Variants in YTHDC2 observed in about 807,000 individuals in gnomAD.
YTHDC2 encodes the protein 3'-5' RNA helicase YTHDC2.
YTHDC2 carries 45 observed loss-of-function variants against 174.9 expected under a neutral mutation model. The observed-to-expected ratio is 0.26, with a 90% CI of 0.20 to 0.33. The LOEUF is 0.33. Ranked by LOEUF, YTHDC2 falls within the 10% of genes least tolerant of loss-of-function variation. The pLI is 1.00. For missense variants in YTHDC2, 1,650 were observed against 1,723.7 expected, an observed-to-expected ratio of 0.96 and a Z score of 0.76; for synonymous variants, 657 against 574.5, an observed-to-expected ratio of 1.14 and a Z score of -2.05.
Position 113,541,013 on chromosome 5 carries a change from A to C in YTHDC2, c.1256A>C (p.Glu419Ala), listed in dbSNP as rs746835127. 6.2e-6 allele frequency: 10 copies of C among 1,613,994 alleles called. No individual in the cohort carries two copies. The highest frequency in any genetic ancestry group is 7.6e-6 in the Non-Finnish European group (9 of 1,180,000). ...TTLTEWYSAQ[E>A]NSFKPESQRQ... ...CTTACAGAATGGTACTCAGCTCAAG[A>C]AAATAGTTTCAAGCCTGAATCTCAG... The change falls in exon 9 of 30, where the codon GAA becomes GCA. Residue 419 changes from glutamate (E) to alanine (A), a missense_variant. This residue lies in a region of YTHDC2 where 411 missense variants were observed against 380.6 expected (regional missense o/e 1.08). Coordinates refer to ENST00000161863, the MANE Select transcript of YTHDC2 (RefSeq NM_022828.5).
chr5:113,587,785 G>T (rs1232639175), intron 26 of YTHDC2, among the ~76,000 whole-genome samples: 1 of 151,216 alleles, frequency 6.6e-6, no homozygotes, highest in Non-Finnish European at 1.5e-5. Context: ...CAGCTTATCA[G>T]TTTCTGCAGA....
chr5:113,594,876 C>T lies in YTHDC2; in HGVS notation c.*1402C>T, dbSNP rs2112837852. ...GAACCTTCTACTTTCTCTGGGAAAG[C>T]ATTATATAGTGGTGCATTAGTTTAG... On this transcript the variant is annotated 3_prime_UTR_variant, in exon 30 of 30. Transcript: ENST00000161863. 1 of 152,262 alleles carries T rather than the reference C, an allele frequency of 6.6e-6. No homozygotes were observed. Among genetic ancestry groups the T allele is most frequent in the African/African-American group, 2.4e-5 (1 of 41,564 alleles). 9.4% of individuals were successfully genotyped at this position (152,262 alleles called of 1,614,324 possible). A position where few individuals can be genotyped will look rare whatever the true frequency, so the allele number is the denominator to read the frequency against.
rs185145526 is a variant in YTHDC2, at chr5:113,575,522, A to G, written c.3245-4064A>G. Reference sequence around the variant, plus strand: ...CTACAATATGAGAAGAGCCAGCCACATGAAAAGCAGAAATGTGCTGCAGGT... The same window carrying G: ...CTACAATATGAGAAGAGCCAGCCACGTGAAAAGCAGAAATGTGCTGCAGGT... On this transcript the variant is annotated intron_variant, in intron 23 of 29. Transcript: ENST00000161863. Among the ~76,000 whole-genome samples the G allele has an allele frequency of 1.4e-3, 214 of 152,354 alleles. 1 individual carries two copies. The highest frequency in any genetic ancestry group is 3.4e-3 in the Middle Eastern group (1 of 294).
chr5:113,545,564 G>A (rs575463631), intron 10 of YTHDC2, among the ~76,000 whole-genome samples: 15 of 151,758 alleles, frequency 9.9e-5, no homozygotes, highest in Admixed American at 2.0e-4. Context: ...CATCTCTTCT[G>A]CAAAACCTGT....
At position 113,593,316 on chromosome 5, in the gene YTHDC2, T is replaced by A. The variant is rs1132528; in HGVS notation, c.4226T>A (p.Leu1409Gln). 0.53 allele frequency: 857,238 copies of A among 1,610,502 alleles called. 237,298 individuals carry two copies. Among genetic ancestry groups the A allele is most frequent in the African/African-American group, 0.91 (68,125 of 74,942 alleles). ...ISRDGQELEP[L>Q]VGEQLLQLWE... ...TGATTTATCTAGGAACTAGAACCTC[T>A]GGTTGGTGAACAGTTGCTCCAGTTA... Residue 1409 changes from leucine to glutamine, a missense_variant, in exon 29 of 30, where the codon CTG (leucine) becomes CAG (glutamine). Coordinates refer to ENST00000161863, the MANE Select transcript of YTHDC2 (RefSeq NM_022828.5).
chr5:113,517,679 C>A, intron 2 of YTHDC2: 1 of 420,114 alleles, frequency 2.4e-6, no homozygotes, highest in Non-Finnish European at 4.8e-6. Context: ...TACGAAATAC[C>A]CTAGCTCCTT....
intron 2 of YTHDC2, among the ~76,000 whole-genome samples, chr5:113,520,946 T>C (rs1773822892): frequency 6.6e-6 from 1 of 151,752 alleles, no homozygotes; most frequent in South Asian, 2.1e-4. Flanking sequence ...CCAGTGCCTG[T>C]TGTTCACCTC....
chr5:113,534,102 A>G (rs1774883345), intron 5 of YTHDC2, among the ~76,000 whole-genome samples: 1 of 152,208 alleles, frequency 6.6e-6, no homozygotes, highest in Non-Finnish European at 1.5e-5. Flanking sequence ...CTTTAACAAA[A>G]TACATCATTT....
chr5:113,564,113 A>C lies in YTHDC2; in HGVS notation c.2697A>C (p.Ala899=). The C allele has an allele frequency of 6.2e-7, 1 of 1,613,946 alleles. No homozygotes were observed. ...FTAGAFSDHM[A]LLRAFQAWQK... Reference sequence around the variant, plus strand: ...CAGGAGCTTTCAGTGACCATATGGCACTTCTCAGAGCATTCCAGGTACTAT... The same window carrying C: ...CAGGAGCTTTCAGTGACCATATGGCCCTTCTCAGAGCATTCCAGGTACTAT... The change falls in exon 20 of 30, where the codon GCA becomes GCC. Residue 899 remains alanine, a synonymous_variant. Coordinates refer to ENST00000161863, the MANE Select transcript of YTHDC2 (RefSeq NM_022828.5).
At chr5:113,552,152 G>T (rs1776289852) in intron 12 of YTHDC2, among the ~76,000 whole-genome samples, 1 of 152,064 alleles carries the variant, frequency 6.6e-6, no homozygotes, top group African/African-American at 2.4e-5. Flanking sequence ...ATAGCTGAAA[G>T]TTTGTGGTTT....
At chr5:113,562,729 A>G (rs565480871) in intron 18 of YTHDC2, among the ~76,000 whole-genome samples, 6 of 152,232 alleles carry the variant, frequency 3.9e-5, no homozygotes, top group African/African-American at 1.4e-4. Context: ...CTCAATCTTT[A>G]CATCTTAGTT....
chr5:113,536,442 G>A (rs900379349), intron 7 of YTHDC2, among the ~76,000 whole-genome samples: 1 of 152,132 alleles, frequency 6.6e-6, no homozygotes, highest in African/African-American at 2.4e-5. Context: ...GGAGAATGGC[G>A]TGAACCCAGG....
chr5:113,561,235 AGGGG>A, intron 18 of YTHDC2, 50 bp downstream of exon 18: 88 of 1,453,948 alleles, frequency 6.1e-5, no homozygotes, highest in Non-Finnish European at 7.2e-5. Flanking sequence ...GAGGGAAGTG[AGGGG>A]CCATTTCAAC....
intron 23 of YTHDC2, among the ~76,000 whole-genome samples, chr5:113,573,313 T>C (rs1777848581): frequency 6.6e-6 from 1 of 152,224 alleles, no homozygotes; most frequent in Non-Finnish European, 1.5e-5. Flanking sequence ...TCTTCTGGCT[T>C]GTAGGGTTTC....
intron 20 of YTHDC2, 134 bp downstream of exon 20, chr5:113,564,265 T>G: frequency 2.0e-6 from 2 of 1,024,440 alleles, no homozygotes; most frequent in Non-Finnish European, 2.7e-6. Flanking sequence ...GTCACATTAA[T>G]AGTCCTGAAA....
intron 10 of YTHDC2, among the ~76,000 whole-genome samples, chr5:113,545,191 G>T (rs1775774627): frequency 6.6e-6 from 1 of 152,100 alleles, no homozygotes. Context: ...GTGGTATGCT[G>T]CAAGGGACTA....
intron 23 of YTHDC2, among the ~76,000 whole-genome samples, chr5:113,579,130 A>G (rs150233947): frequency 4.1e-4 from 62 of 151,234 alleles, no homozygotes; most frequent in African/African-American, 1.5e-3. Context: ...ATAATTTTCT[A>G]TTTTCTTCTA....
chr5:113,549,116 G>A, intron 12 of YTHDC2, 96 bp downstream of exon 12: 1 of 1,037,208 alleles, frequency 9.6e-7, no homozygotes, highest in Non-Finnish European at 1.4e-6. Context: ...ACCATTTATA[G>A]TCTTTTATCC....
At chr5:113,535,598 A>C in intron 6 of YTHDC2, 44 bp from the exon 7 acceptor site, 1 of 1,510,506 alleles carries the variant, frequency 6.6e-7, no homozygotes, top group East Asian at 2.4e-5. Context: ...TTAGTCATCA[A>C]TAATGTTTTA....
Sources: allele counts gnomAD v4.1 joint callset (sites outside exome capture counted in the v4.1 genomes callset), GRCh38; gene constraint gnomAD v4.1.1; regional missense constraint gnomAD v4.1.1; transcripts MANE v1.5; gene names NCBI Gene and HGNC (gene_info 2026-07-23, HGNC 2026-07-21).